The following PDZRN4 variants were observed in gnomAD, a reference collection of about 807,000 sequenced individuals.
The protein encoded by PDZRN4 is PDZ domain-containing RING finger protein 4.
PDZRN4 carries 70 observed loss-of-function variants against 99.0 expected under a neutral mutation model. The ratio of observed to expected loss-of-function variants is 0.71; its 90% CI spans 0.58 to 0.86. PDZRN4 has a LOEUF of 0.86. Among genes scored for constraint, PDZRN4 ranks in the 40% least tolerant of loss-of-function variants. PDZRN4 has a pLI of 0.00. For missense variants in PDZRN4, 1,474 were observed against 1,331.2 expected, an observed-to-expected ratio of 1.11 and a Z score of -1.67; for synonymous variants, 551 against 501.6, an observed-to-expected ratio of 1.10 and a Z score of -1.32.
At position 41,324,164 on chromosome 12, in the gene PDZRN4, G is replaced by T. The variant is rs533066723; in HGVS notation, c.843+129976G>T. ...AAATAAAACATATCTAAATAAAAAT[G>T]ATCTGATTTTTCCTTCCTTCATTCC... is the stretch of plus-strand genomic sequence containing the variant. On this transcript the variant is annotated intron_variant, in intron 3 of 9. Transcript: ENST00000402685. Among the ~76,000 whole-genome samples, 3 of 152,098 alleles carry T rather than the reference G, an allele frequency of 2.0e-5. No homozygotes were observed. The South Asian group carries it at 6.2e-4, about 32-fold the overall frequency.
chr12:41,288,281 T>C (rs1410013414), intron 3 of PDZRN4, among the ~76,000 whole-genome samples: 2 of 152,134 alleles, frequency 1.3e-5, no homozygotes, highest in East Asian at 3.8e-4. Context: ...TTTTAGTATG[T>C]CAGTAGGCCC....
At chr12:41,195,676 C>T (rs753971160) in intron 3 of PDZRN4, among the ~76,000 whole-genome samples, 7 of 151,984 alleles carry the variant, frequency 4.6e-5, no homozygotes, top group Non-Finnish European at 7.4e-5. Context: ...GTTTTGTTGC[C>T]GAGAAAGTGC....
At chr12:41,526,232 CTTAAGAGAG>C (rs1414235690) in intron 5 of PDZRN4, among the ~76,000 whole-genome samples, 2 of 152,142 alleles carry the variant, frequency 1.3e-5, no homozygotes, top group Non-Finnish European at 2.9e-5. Context: ...TATGGGGAGG[CTTAAGAGAG>C]CTGACCTGTG....
At chr12:41,423,330 G>A (rs1195643360) in intron 3 of PDZRN4, among the ~76,000 whole-genome samples, 6 of 151,916 alleles carry the variant, frequency 3.9e-5, no homozygotes, top group East Asian at 3.9e-4. Flanking sequence ...AGTGTGTGAT[G>A]TTCCCCTCCC....
chr12:41,214,835 C>G (rs996808993), intron 3 of PDZRN4, among the ~76,000 whole-genome samples: 5 of 151,934 alleles, frequency 3.3e-5, no homozygotes, highest in African/African-American at 1.2e-4. Context: ...CTGTGACTCA[C>G]AAATTTGATC....
At chr12:41,354,622 A>G (rs1321047936) in intron 3 of PDZRN4, among the ~76,000 whole-genome samples, 1 of 152,126 alleles carries the variant, frequency 6.6e-6, no homozygotes, top group African/African-American at 2.4e-5. Flanking sequence ...TGGCAGCTGA[A>G]TTTCACATCC....
At chr12:41,429,975 A>G (rs998865543) in intron 3 of PDZRN4, among the ~76,000 whole-genome samples, 1 of 152,134 alleles carries the variant, frequency 6.6e-6, no homozygotes, top group Non-Finnish European at 1.5e-5. Flanking sequence ...ATGGTGTGAC[A>G]TTATCCAAAC....
chr12:41,454,866 A>G (rs1952805287), intron 3 of PDZRN4, among the ~76,000 whole-genome samples: 1 of 152,252 alleles, frequency 6.6e-6, no homozygotes, highest in South Asian at 2.1e-4. Context: ...ATCTGCGATA[A>G]TGGAAATATT....
At chr12:41,400,669 G>T (rs534022986) in intron 3 of PDZRN4, among the ~76,000 whole-genome samples, 1 of 152,220 alleles carries the variant, frequency 6.6e-6, no homozygotes, top group South Asian at 2.1e-4. Flanking sequence ...CCATAAAACT[G>T]CCCTAGTGCA....
intron 5 of PDZRN4, among the ~76,000 whole-genome samples, chr12:41,517,420 A>C (rs1461820450): frequency 6.6e-6 from 1 of 152,126 alleles, no homozygotes; most frequent in Non-Finnish European, 1.5e-5. Flanking sequence ...GCATATTTGC[A>C]TATCAAATCA....
chr12:41,380,707 G>A (rs7973041), intron 3 of PDZRN4, among the ~76,000 whole-genome samples: 71,473 of 151,092 alleles, frequency 0.47, 17,591 homozygotes, highest in Middle Eastern at 0.66. Flanking sequence ...TATAATTATC[G>A]TTATTTTTAA....
chr12:41,191,352 C>T (rs1950734035), intron 1 of PDZRN4, 106 bp from the exon 2 acceptor site: 1 of 634,358 alleles, frequency 1.6e-6, no homozygotes, highest in Non-Finnish European at 2.7e-6. Context: ...TAAAGTTTTC[C>T]TCTTTTCACA....
At chr12:41,516,724 G>T (rs2120702341) in intron 5 of PDZRN4, among the ~76,000 whole-genome samples, 1 of 151,842 alleles carries the variant, frequency 6.6e-6, no homozygotes, top group African/African-American at 2.4e-5. Context: ...TATACATCCT[G>T]GTTTGCCCTA....
chr12:41,351,921 G>T (rs1454727993), intron 3 of PDZRN4, among the ~76,000 whole-genome samples: 1 of 151,690 alleles, frequency 6.6e-6, no homozygotes, highest in Non-Finnish European at 1.5e-5. Flanking sequence ...GAGGTGGGAG[G>T]ATTACTTGAG....
intron 5 of PDZRN4, among the ~76,000 whole-genome samples, chr12:41,544,373 A>G (rs1029150566): frequency 5.3e-5 from 8 of 152,224 alleles, no homozygotes; most frequent in Non-Finnish European, 1.2e-4. Flanking sequence ...ATGCTGCTGT[A>G]CAAATATAGC....
intron 5 of PDZRN4, among the ~76,000 whole-genome samples, chr12:41,526,375 G>A (rs1938567705): frequency 6.6e-6 from 1 of 152,158 alleles, no homozygotes; most frequent in South Asian, 2.1e-4. Flanking sequence ...ACAAGTGCTG[G>A]AGAATAAACC....
intron 3 of PDZRN4, among the ~76,000 whole-genome samples, chr12:41,304,635 G>A (rs377230286): frequency 1.2e-4 from 18 of 152,282 alleles, no homozygotes; most frequent in African/African-American, 3.6e-4. Flanking sequence ...CAATGAGAAT[G>A]CATGCTTTAG....
chr12:41,281,571 A>G (rs1364495513), intron 3 of PDZRN4, among the ~76,000 whole-genome samples: 1 of 152,196 alleles, frequency 6.6e-6, no homozygotes. Flanking sequence ...CGCAAAGCAT[A>G]CACAAGTATC....
chr12:41,363,368 A>G (rs1565562717), intron 3 of PDZRN4, among the ~76,000 whole-genome samples: 1 of 152,148 alleles, frequency 6.6e-6, no homozygotes, highest in Non-Finnish European at 1.5e-5. Flanking sequence ...GAAATATGAT[A>G]GTGATTCCTT....
Sources: gnomAD v4.1 joint callset for allele counts (sites outside exome capture counted in the v4.1 genomes callset) on GRCh38, gnomAD v4.1.1 for gene constraint, MANE v1.5 for transcripts, NCBI Gene and HGNC (gene_info 2026-07-23, HGNC 2026-07-21) for gene names.